NFATC2: variants seen among roughly 807,000 people sequenced by gnomAD.
NFATC2 encodes nuclear factor of activated T cells 2, also known as nuclear factor of activated T-cells, cytoplasmic 2.
A neutral mutation model predicts 87.3 loss-of-function variants in NFATC2; 22 were observed. The ratio of observed to expected loss-of-function variants is 0.25; its 90% CI spans 0.18 to 0.36. NFATC2 has a LOEUF of 0.36. Among genes scored for constraint, NFATC2 ranks in the 10% least tolerant of loss-of-function variants. The probability of loss-of-function intolerance (pLI) is 1.00; values close to 1 mark genes in which losing one functional copy is unlikely to be tolerated. For missense variants in NFATC2, 1,149 were observed against 1,259.1 expected (o/e 0.91, Z 1.32); for synonymous variants, 565 against 542.2 (o/e 1.04, Z -0.58).
Position 51,432,781 on chromosome 20 carries a change from G to T in NFATC2, c.2033-25C>A. 6.5e-7 allele frequency: 1 copy of T among 1,528,978 alleles called. No homozygotes were observed. Among genetic ancestry groups the T allele is most frequent in the South Asian group, 1.3e-5 (1 of 79,324 alleles). The allele number at this position is 1,528,978 out of a possible 1,614,324, so 94.7% of individuals were successfully genotyped here. A position where few individuals can be genotyped will look rare whatever the true frequency, so the allele number is the denominator to read the frequency against. ...ACTGGGAGGAGAAAAGAGCACATAG[G>T]GGCGCCCATGGCAGTGAGCCACGGA... On this transcript the variant is annotated intron_variant, in intron 8 of 10. Transcript: ENST00000371564. This position sits in a 1 kb window ranked among gnomAD's most constrained non-coding sequence, Gnocchi z 4.6.
At chr20:51,435,577 C>T in intron 7 of NFATC2, 129 bp downstream of exon 7, 1 of 1,002,814 alleles carries the variant, frequency 1.0e-6, no homozygotes, top group Non-Finnish European at 1.5e-6. Context: ...TTAATATGCA[C>T]ATATTGAGTA....
At position 51,523,734 on chromosome 20, in the gene NFATC2, G is replaced by A. The variant is rs145474149; in HGVS notation, c.507C>T (p.Pro169=). ...EGYREPLCLS[P]ASSGSSASFI... ...AGCTGGCAGAGGAGCCGCTGCTAGCGGGGCTCAAGCAAAGCGGCTCGCGGT... is the reference window on the plus strand; with the variant it reads ...AGCTGGCAGAGGAGCCGCTGCTAGCAGGGCTCAAGCAAAGCGGCTCGCGGT... The change falls in exon 2 of 11, where the codon CCC becomes CCT. Residue 169 remains proline, a synonymous_variant. Coordinates refer to ENST00000371564, the MANE Select transcript of NFATC2 (RefSeq NM_012340.5). This position sits in a 1 kb window ranked among gnomAD's most constrained non-coding sequence, Gnocchi z 6.9. 3 of 1,611,976 alleles carry A rather than the reference G, an allele frequency of 1.9e-6. No individual in the cohort carries two copies. The highest frequency in any genetic ancestry group is 2.5e-6 in the Non-Finnish European group (3 of 1,178,804).
At chr20:51,491,613 T>C (rs1005626454) in intron 3 of NFATC2, among the ~76,000 whole-genome samples, 2 of 152,062 alleles carry the variant, frequency 1.3e-5, no homozygotes, top group African/African-American at 2.4e-5. Flanking sequence ...ACCTCCGCCA[T>C]GTGGATACAC....
intron 5 of NFATC2, among the ~76,000 whole-genome samples, chr20:51,460,725 G>A (rs548157453): frequency 2.1e-4 from 32 of 151,340 alleles, no homozygotes; most frequent in African/African-American, 7.3e-4. Flanking sequence ...CGCACGCCTC[G>A]CCCTCCCAAA....
chr20:51,481,322 C>T (rs559996894), intron 3 of NFATC2, among the ~76,000 whole-genome samples: 7 of 151,676 alleles, frequency 4.6e-5, no homozygotes, highest in Non-Finnish European at 7.4e-5. Flanking sequence ...CGGGAGACCT[C>T]GGTCAGGAGG....
chr20:51,480,837 C>T lies in NFATC2; in HGVS notation c.1333-5177G>A, dbSNP rs968630856. 6.6e-6 allele frequency among the ~76,000 whole-genome samples: 1 copy of T among 152,134 alleles called. No homozygotes were observed. The highest frequency in any genetic ancestry group is 2.4e-5 in the African/African-American group (1 of 41,408). The stretch of plus-strand genomic sequence containing the variant: ...ATGAAACGAGAACTTTCCTTGTCAT[C>T]GGAGGATGACGCAAATCGAAACAGG... On this transcript the variant is annotated intron_variant, in intron 3 of 10. Transcript: ENST00000371564. The surrounding 1 kb of genome is among the most constrained non-coding windows in gnomAD (Gnocchi z 4.2).
rs1982920403 is a variant in NFATC2 at position 51,432,588 on chromosome 20, C to T, written c.2201G>A (p.Gly734Glu). 1 of 1,531,208 alleles carries T rather than the reference C, an allele frequency of 6.5e-7. No homozygotes were observed. Among genetic ancestry groups the T allele is most frequent in the African/African-American group, 1.4e-5 (1 of 72,336 alleles). The allele number at this position is 1,531,208 out of a possible 1,614,324, so 94.9% of individuals were successfully genotyped here. A position where few individuals can be genotyped will look rare whatever the true frequency, so the allele number is the denominator to read the frequency against. ...TMAPCQQFRT[G>E]LSSPDARYQQ... ...GTAGCGGGCGTCAGGGGATGAGAGC[C>T]CCGTGCGGAACTGCTGGCAGGGAGC... is the stretch of plus-strand genomic sequence containing the variant. The change falls in exon 9 of 11, where the codon GGG (glycine) becomes GAG (glutamate). Residue 734 changes from glycine to glutamate, a missense_variant. Physicochemically the swap from Gly to Glu is moderately conservative, Grantham distance 98. This residue lies in a region of NFATC2 where 581 missense variants were observed against 649.7 expected (regional missense o/e 0.89). Transcript: ENST00000371564. The surrounding 1 kb of genome is among the most constrained non-coding windows in gnomAD (Gnocchi z 4.6).
intron 1 of NFATC2, among the ~76,000 whole-genome samples, chr20:51,538,070 C>T (rs1035751851): frequency 6.6e-6 from 1 of 152,100 alleles, no homozygotes; most frequent in African/African-American, 2.4e-5. Context: ...GCTTTAGAGA[C>T]CAGGGAGTCC....
chr20:51,549,654 G>A (rs1164961897), intron 1 of NFATC2, among the ~76,000 whole-genome samples: 1 of 152,240 alleles, frequency 6.6e-6, no homozygotes, highest in African/African-American at 2.4e-5. Context: ...GACACCTTCA[G>A]TGCCTCAGTT....
At chr20:51,513,854 G>A (rs142575818) in intron 3 of NFATC2, among the ~76,000 whole-genome samples, 97 of 152,384 alleles carry the variant, frequency 6.4e-4, no homozygotes, top group Non-Finnish European at 1.0e-3. Context: ...CGCAGGAGGC[G>A]TGGGCATTTC....
intron 3 of NFATC2, among the ~76,000 whole-genome samples, chr20:51,479,314 G>A (rs995390166): frequency 6.6e-6 from 1 of 152,132 alleles, no homozygotes; most frequent in Non-Finnish European, 1.5e-5. Flanking sequence ...TGAATAATCT[G>A]TCACCATCAA....
At position 51,405,942 on chromosome 20, in the gene NFATC2, A is replaced by T. The variant is rs561105331; in HGVS notation, c.2723-7212T>A. On this transcript the variant is annotated intron_variant, in intron 9 of 10. Transcript: ENST00000371564. Reference sequence around the variant, plus strand: ...CAGGTGTCCGCCACCATGCCCGGCTAAACTTTGCATTTTTAGTAGAGACAG... The same window carrying T: ...CAGGTGTCCGCCACCATGCCCGGCTTAACTTTGCATTTTTAGTAGAGACAG... Among the ~76,000 whole-genome samples, 3 of 152,294 alleles carry T rather than the reference A, an allele frequency of 2.0e-5. No individual in the cohort carries two copies. The South Asian group carries it at 6.2e-4, about 32-fold the overall frequency.
intron 10 of NFATC2, among the ~76,000 whole-genome samples, chr20:51,398,020 G>A (rs1282767880): frequency 6.6e-6 from 1 of 152,130 alleles, no homozygotes; most frequent in African/African-American, 2.4e-5. Context: ...GGCCCATCGA[G>A]GTGGATCTGC....
At chr20:51,484,111 G>GC (rs1456833245) in intron 3 of NFATC2, among the ~76,000 whole-genome samples, 1 of 147,548 alleles carries the variant, frequency 6.8e-6, no homozygotes, top group Non-Finnish European at 1.5e-5. Flanking sequence ...CCTCCCTGCT[G>GC]CCCCCCATGA....
At chr20:51,545,674 A>G (rs372658920), upstream of NFATC2, among the ~76,000 whole-genome samples, 11 of 152,188 alleles carry the variant, frequency 7.2e-5, 1 homozygote, top group East Asian at 3.9e-4. Context: ...GGATGCATGG[A>G]TGGAAGATGG....
At chr20:51,479,180 A>G (rs1269986450) in intron 3 of NFATC2, among the ~76,000 whole-genome samples, 3 of 152,156 alleles carry the variant, frequency 2.0e-5, no homozygotes, top group African/African-American at 7.2e-5. Flanking sequence ...TATTTACTTC[A>G]TTAACATCTG....
At chr20:51,457,224 A>C (rs796986052) in intron 5 of NFATC2, among the ~76,000 whole-genome samples, 1 of 152,266 alleles carries the variant, frequency 6.6e-6, no homozygotes, top group Non-Finnish European at 1.5e-5. Context: ...GGCTTTGAAG[A>C]TCTGCCTTTG....
At chr20:51,497,818 C>T (rs2076014549) in intron 3 of NFATC2, among the ~76,000 whole-genome samples, 1 of 151,976 alleles carries the variant, frequency 6.6e-6, no homozygotes, top group Admixed American at 6.5e-5. Context: ...GGACCCGGGA[C>T]CCCCAATCCC....
chr20:51,523,394 C>A lies in NFATC2; in HGVS notation c.847G>T (p.Val283Leu). ...GGGGAGCCGTGGTCCTGGGGTGCCA[C>A]GTGAGATGAGGGCTGCGGCGAGGGG... ...RSPSPQPSSHVAPQDHGSPAG... is the reference protein window; with the variant it reads ...RSPSPQPSSHLAPQDHGSPAG... The change falls in exon 2 of 11, where the codon GTG becomes TTG. Residue 283 changes from valine (V) to leucine (L), a missense_variant. Val to Leu is a conservative substitution (Grantham distance 32). Transcript: ENST00000371564. This position sits in a 1 kb window ranked among gnomAD's most constrained non-coding sequence, Gnocchi z 6.9. 2.5e-6 allele frequency: 4 copies of A among 1,610,050 alleles called. No individual in the cohort carries two copies. Among genetic ancestry groups the A allele is most frequent in the Non-Finnish European group, 3.4e-6 (4 of 1,177,948 alleles).
Sources: gnomAD v4.1 joint callset for allele counts (sites outside exome capture counted in the v4.1 genomes callset) on GRCh38, gnomAD v4.1.1 for gene constraint, gnomAD v4.1.1 regional missense constraint, Gnocchi (gnomAD v3.1) non-coding constraint, MANE v1.5 for transcripts, NCBI Gene and HGNC (gene_info 2026-07-23, HGNC 2026-07-21) for gene names.